NRIP1: variants seen among roughly 807,000 people sequenced by gnomAD.
NRIP1 encodes the protein nuclear receptor interacting protein 1, also known as nuclear receptor-interacting protein 1.
A neutral mutation model predicts 75.0 loss-of-function variants in NRIP1; 28 were observed. The ratio of observed to expected loss-of-function variants is 0.37; its 90% CI spans 0.28 to 0.51. NRIP1 has a LOEUF of 0.51. Among genes scored for constraint, NRIP1 ranks in the 20% least tolerant of loss-of-function variants. The pLI, the probability that NRIP1 is intolerant of heterozygous loss-of-function variation, is 0.92. For synonymous variants in NRIP1, 526 were observed against 487.6 expected (o/e 1.08, Z -1.04); for missense variants, 1,435 against 1,343.7 (o/e 1.07, Z -1.06).
chr21:15,017,751 G>A (rs1600875855), intron 2 of NRIP1, among the ~76,000 whole-genome samples: 2 of 152,136 alleles, frequency 1.3e-5, no homozygotes, highest in East Asian at 1.9e-4. Context: ...TTCAGGTAAT[G>A]CAAAATACTT....
chr21:14,972,884 C>T (rs1050988853), intron 3 of NRIP1, among the ~76,000 whole-genome samples: 2 of 152,198 alleles, frequency 1.3e-5, no homozygotes, highest in Non-Finnish European at 2.9e-5. Context: ...TGACAGGAGG[C>T]GGAGCTCAGG....
Position 15,032,514 on chromosome 21 carries a change from C to T in NRIP1, c.-458+10981G>A, listed in dbSNP as rs773533113. ...GATGGCTCTAAAAAAAAAAACCGTT[C>T]GAAGTCACTGAAAAAAAGTAGGTAT... On this transcript the variant is annotated intron_variant, in intron 2 of 3. Transcript: ENST00000318948. Among the ~76,000 whole-genome samples, 9 of 151,310 alleles carry T rather than the reference C, an allele frequency of 5.9e-5. No homozygotes were observed. In the South Asian group the frequency reaches 8.4e-4, roughly 14 times the overall value.
intron 3 of NRIP1, chr21:14,992,951 C>CT (rs2087615120): frequency 6.5e-6 from 1 of 153,604 alleles, no homozygotes; most frequent in East Asian, 1.9e-4. Flanking sequence ...TGCATCTCTA[C>CT]TTTTAACTAT....
intron 3 of NRIP1, among the ~76,000 whole-genome samples, chr21:14,997,757 T>C (rs1434091113): frequency 6.7e-6 from 1 of 149,952 alleles, no homozygotes; most frequent in Non-Finnish European, 1.5e-5. Context: ...ACAATTTATA[T>C]ATAATTTGTA....
chr21:15,014,385 A>G lies in NRIP1; in HGVS notation c.-376T>C, dbSNP rs1289926077. 1 of 398,318 alleles carries G rather than the reference A, an allele frequency of 2.5e-6. No individual in the cohort carries two copies. Among genetic ancestry groups the G allele is most frequent in the Non-Finnish European group, 4.4e-6 (1 of 225,836 alleles). The allele number at this position is 398,318 out of a possible 1,614,324, so 24.7% of individuals were successfully genotyped here. ...CTGAGCCTCTGCTTTCTGAGAAAGA[A>G]AATTGAGAAGGCTGTTGAAAAGTAG... On this transcript the variant is annotated 5_prime_UTR_variant, in exon 3 of 4. Coordinates refer to ENST00000318948, the MANE Select transcript of NRIP1 (RefSeq NM_003489.4).
At chr21:15,006,378 G>A (rs554475416) in intron 3 of NRIP1, among the ~76,000 whole-genome samples, 1 of 152,218 alleles carries the variant, frequency 6.6e-6, no homozygotes, top group Non-Finnish European at 1.5e-5. Context: ...GCTAAAGTAG[G>A]CAAATGTTTA....
At chr21:15,063,753 T>C (rs1448517792) in intron 1 of NRIP1, among the ~76,000 whole-genome samples, 1 of 152,252 alleles carries the variant, frequency 6.6e-6, no homozygotes, top group Non-Finnish European at 1.5e-5. Flanking sequence ...CCTAAGAACG[T>C]CTTTTTTCCC....
At position 14,964,781 on chromosome 21, in the gene NRIP1, T is replaced by C. The variant is rs140307100; in HGVS notation, c.3412A>G (p.Ser1138Gly). 5.2e-4 allele frequency: 832 copies of C among 1,598,780 alleles called. 3 individuals carry two copies. In the African/African-American group the frequency reaches 0.01, roughly 20 times the overall value. Residue 1138 changes from serine (S) to glycine (G), a missense_variant, in exon 4 of 4, where the codon AGC becomes GGC. Transcript: ENST00000318948. Reference sequence around the variant, plus strand: ...AGTCCATAAACTTCTCCATTTGCGCTGTGTGGGCGAGAAGCATTATTTCCC... The same window carrying C: ...AGTCCATAAACTTCTCCATTTGCGCCGTGTGGGCGAGAAGCATTATTTCCC... ...HMGNNASRPHSANGEVYGLLG... is the reference protein window; with the variant it reads ...HMGNNASRPHGANGEVYGLLG...
intron 1 of NRIP1, among the ~76,000 whole-genome samples, chr21:15,053,775 C>G (rs990715703): frequency 6.6e-6 from 1 of 152,054 alleles, no homozygotes; most frequent in Non-Finnish European, 1.5e-5. Context: ...GGTGAATACA[C>G]AGAAATATGA....
chr21:15,021,186 G>C (rs189866296), intron 2 of NRIP1, among the ~76,000 whole-genome samples: 6 of 152,208 alleles, frequency 3.9e-5, no homozygotes, highest in Admixed American at 3.9e-4. Flanking sequence ...TTAAAGGCAA[G>C]CATAAAGTGT....
At chr21:15,057,208 G>C (rs1399951533) in intron 1 of NRIP1, among the ~76,000 whole-genome samples, 5 of 152,158 alleles carry the variant, frequency 3.3e-5, no homozygotes, top group Non-Finnish European at 5.9e-5. Flanking sequence ...ATAGTCAAGA[G>C]TTGTAACTTT....
chr21:15,028,834 A>G (rs1223760066), intron 2 of NRIP1, among the ~76,000 whole-genome samples: 2 of 152,192 alleles, frequency 1.3e-5, no homozygotes, highest in African/African-American at 2.4e-5. Context: ...TAAAAAATAT[A>G]CATTGGTCCA....
At chr21:14,995,333 T>C (rs1054764075) in intron 3 of NRIP1, among the ~76,000 whole-genome samples, 2 of 152,178 alleles carry the variant, frequency 1.3e-5, no homozygotes, top group East Asian at 3.9e-4. Flanking sequence ...CAGAGAATAG[T>C]TGGGAAGATT....
chr21:15,040,274 T>C (rs1406269633), intron 2 of NRIP1, among the ~76,000 whole-genome samples: 1 of 152,110 alleles, frequency 6.6e-6, no homozygotes, highest in Non-Finnish European at 1.5e-5. Flanking sequence ...ATTTTGCAGA[T>C]ACTGGGTTAA....
chr21:14,966,975 C>T lies in NRIP1; in HGVS notation c.1218G>A (p.Glu406=). 5 of 1,614,094 alleles carry T rather than the reference C, an allele frequency of 3.1e-6. No homozygotes were observed. The highest frequency in any genetic ancestry group is 4.2e-6 in the Non-Finnish European group (5 of 1,180,006). ...CAATAGTTGTAGGTGTACTACTTTC[C>T]TCAAAAATGCTTCCTCTCTCACTGT... ...HSHSERGSIF[E]ESSTPTTIDE... Residue 406 remains glutamate, a synonymous_variant, in exon 4 of 4, where the codon GAG becomes GAA. Coordinates refer to ENST00000318948, the MANE Select transcript of NRIP1 (RefSeq NM_003489.4).
At chr21:15,063,916 C>T (rs1002194711) in intron 1 of NRIP1, among the ~76,000 whole-genome samples, 2 of 152,224 alleles carry the variant, frequency 1.3e-5, no homozygotes, top group Admixed American at 1.3e-4. Context: ...CACAGACTCC[C>T]AGCCTGTCCG....
Position 14,961,243 on chromosome 21 carries a change from A to T in NRIP1, c.*3473T>A, listed in dbSNP as rs2086583346. The T allele has an allele frequency of 6.6e-6, 1 of 152,446 alleles. No homozygotes were observed. The highest frequency in any genetic ancestry group is 6.6e-5 in the Admixed American group (1 of 15,250). 9.4% of individuals were successfully genotyped at this position (152,446 alleles called of 1,614,324 possible). A position where few individuals can be genotyped will look rare whatever the true frequency, so the allele number is the denominator to read the frequency against. On this transcript the variant is annotated 3_prime_UTR_variant, in exon 4 of 4. Transcript: ENST00000318948. The stretch of plus-strand genomic sequence containing the variant: ...AGTCATTTCAAACCAGAGACAATGC[A>T]TTTTTTCTCATTTATTCAAATTCAC...
chr21:14,978,809 T>C (rs1439174443), intron 3 of NRIP1, among the ~76,000 whole-genome samples: 2 of 152,168 alleles, frequency 1.3e-5, no homozygotes, highest in East Asian at 3.8e-4. Context: ...AAAATTAAGA[T>C]GAAAAAGTTG....
chr21:14,984,708 G>A (rs1355240127), intron 3 of NRIP1, among the ~76,000 whole-genome samples: 1 of 152,162 alleles, frequency 6.6e-6, no homozygotes, highest in Non-Finnish European at 1.5e-5. Context: ...TCCATGAAAG[G>A]ATGTCAGTCA....
Sources: allele counts gnomAD v4.1 joint callset (sites outside exome capture counted in the v4.1 genomes callset), GRCh38; gene constraint gnomAD v4.1.1; transcripts MANE v1.5; gene names NCBI Gene and HGNC (gene_info 2026-07-23, HGNC 2026-07-21).